SPATA6: variants seen among roughly 807,000 people sequenced by gnomAD.
The protein encoded by SPATA6 is spermatogenesis associated 6.
A neutral mutation model predicts 65.3 loss-of-function variants in SPATA6; 56 were observed. That is an observed-to-expected ratio of 0.86 (90% CI 0.69 to 1.07). The LOEUF (loss-of-function observed/expected upper bound fraction) is 1.07, where lower values mean the gene tolerates loss of function less well. SPATA6 is among the 50% of genes least tolerant of loss of function. The pLI is 0.00. For synonymous variants in SPATA6, 199 were observed against 213.2 expected, an observed-to-expected ratio of 0.93 and a Z score of 0.58; for missense variants, 590 against 594.8, an observed-to-expected ratio of 0.99 and a Z score of 0.08.
At chr1:48,437,792 C>CA (rs1553171261) in intron 3 of SPATA6, among the ~76,000 whole-genome samples, 1 of 149,728 alleles carries the variant, frequency 6.7e-6, no homozygotes, top group East Asian at 2.0e-4. Context: ...TTGTAATTTG[C>CA]TTTTTTTTAA....
chr1:48,288,918 G>C, the SPATA6 span, among the ~76,000 whole-genome samples: 1 of 152,226 alleles, frequency 6.6e-6, no homozygotes, highest in African/African-American at 2.4e-5. Flanking sequence ...CACCTCTGGG[G>C]GCAGGGCATA....
At chr1:48,400,897 C>A in intron 6 of SPATA6, 1 of 1,127,758 alleles carries the variant, frequency 8.9e-7, no homozygotes, top group Non-Finnish European at 1.1e-6. Flanking sequence ...CCATTTCACC[C>A]ATCTCTGTGA....
At chr1:48,294,661 G>A (rs1644789167), downstream of SPATA6, among the ~76,000 whole-genome samples, 1 of 152,122 alleles carries the variant, frequency 6.6e-6, no homozygotes, top group African/African-American at 2.4e-5. Flanking sequence ...CTCCACTCTT[G>A]TAAAATCTGA....
chr1:48,396,508 G>A (rs1570441690), intron 7 of SPATA6, among the ~76,000 whole-genome samples: 2 of 151,566 alleles, frequency 1.3e-5, no homozygotes, highest in East Asian at 3.9e-4. Context: ...AAAGATGGAA[G>A]CAACCCAAGT....
At chr1:48,293,158 CA>C (rs1345179145), downstream of SPATA6, among the ~76,000 whole-genome samples, 1 of 152,176 alleles carries the variant, frequency 6.6e-6, no homozygotes, top group African/African-American at 2.4e-5. Flanking sequence ...TCAGCTATGC[CA>C]GTCTTCCCCG....
chr1:48,271,696 A>G, the SPATA6 span, among the ~76,000 whole-genome samples: 1 of 152,180 alleles, frequency 6.6e-6, no homozygotes, highest in African/African-American at 2.4e-5. Flanking sequence ...AGGCCATGGG[A>G]TGCAGAGGTA....
At chr1:48,368,198 A>G (rs1647096635) in intron 9 of SPATA6, among the ~76,000 whole-genome samples, 1 of 152,162 alleles carries the variant, frequency 6.6e-6, no homozygotes, top group Admixed American at 6.5e-5. Flanking sequence ...TCTGTGGGTA[A>G]CCCGACCTTT....
intron 9 of SPATA6, among the ~76,000 whole-genome samples, chr1:48,364,611 T>C (rs945938941): frequency 1.3e-5 from 2 of 152,242 alleles, no homozygotes; most frequent in Non-Finnish European, 2.9e-5. Context: ...TTTTGAGACA[T>C]GTCTGTTCAT....
At chr1:48,371,503 T>C (rs1647284882) in intron 9 of SPATA6, among the ~76,000 whole-genome samples, 1 of 152,204 alleles carries the variant, frequency 6.6e-6, no homozygotes, top group Non-Finnish European at 1.5e-5. Flanking sequence ...TGTTAGGCAA[T>C]ACTGCAGTAG....
intron 2 of SPATA6, among the ~76,000 whole-genome samples, chr1:48,452,387 CTT>C (rs11289564): frequency 5.0e-4 from 72 of 142,660 alleles, no homozygotes; most frequent in Admixed American, 6.3e-4. Flanking sequence ...ATCATATATT[CTT>C]TTTTTTTTTT....
intron 8 of SPATA6, among the ~76,000 whole-genome samples, chr1:48,394,132 C>G (rs184021007): frequency 6.6e-6 from 1 of 152,200 alleles, no homozygotes; most frequent in East Asian, 1.9e-4. Flanking sequence ...ATCCTTTGTA[C>G]TACTATTACT....
chr1:48,269,175 C>G, the SPATA6 span, among the ~76,000 whole-genome samples: 1 of 152,070 alleles, frequency 6.6e-6, no homozygotes, highest in African/African-American at 2.4e-5. Context: ...TTTTTCTATA[C>G]GTATTCAAAT....
At chr1:48,423,264 C>A (rs1310042354) in intron 3 of SPATA6, among the ~76,000 whole-genome samples, 1 of 151,772 alleles carries the variant, frequency 6.6e-6, no homozygotes, top group Non-Finnish European at 1.5e-5. Flanking sequence ...CAAGACCAGC[C>A]TGACCAACAT....
chr1:48,302,929 T>C (rs1372512712), intron 12 of SPATA6, among the ~76,000 whole-genome samples: 1 of 151,988 alleles, frequency 6.6e-6, no homozygotes, highest in Non-Finnish European at 1.5e-5. Context: ...CAACAAACCA[T>C]TATTGTTTCT....
chr1:48,410,089 T>C (rs932866802), intron 5 of SPATA6, among the ~76,000 whole-genome samples: 2 of 152,238 alleles, frequency 1.3e-5, no homozygotes, highest in South Asian at 2.1e-4. Context: ...CAAACTTTTA[T>C]GTTCCATTTC....
intron 11 of SPATA6, among the ~76,000 whole-genome samples, chr1:48,355,027 C>T (rs140563198): frequency 4.6e-4 from 70 of 152,164 alleles, no homozygotes; most frequent in African/African-American, 1.6e-3. Flanking sequence ...CAAGACTAAT[C>T]TTAGTGTCCA....
chr1:48,434,448 C>T (rs1311226096), intron 3 of SPATA6, among the ~76,000 whole-genome samples: 1 of 152,152 alleles, frequency 6.6e-6, no homozygotes, highest in African/African-American at 2.4e-5. Context: ...TAGCATACCC[C>T]TTTACTCTCA....
At chr1:48,366,391 C>T (rs530745153) in intron 9 of SPATA6, among the ~76,000 whole-genome samples, 4 of 152,124 alleles carry the variant, frequency 2.6e-5, no homozygotes, top group African/African-American at 4.8e-5. Context: ...CCTCCTTGTA[C>T]CTCTGGTAGA....
chr1:48,467,381 T>C (rs780286355), intron 1 of SPATA6, among the ~76,000 whole-genome samples: 1 of 152,084 alleles, frequency 6.6e-6, no homozygotes, highest in Non-Finnish European at 1.5e-5. Context: ...TTCCAGTTTA[T>C]AGTAATTGGG....
Sources: allele counts gnomAD v4.1 joint callset (sites outside exome capture counted in the v4.1 genomes callset), GRCh38; gene constraint gnomAD v4.1.1; transcripts MANE v1.5; gene names NCBI Gene and HGNC (gene_info 2026-07-23, HGNC 2026-07-21).